ZNF518A: variants seen among roughly 807,000 people sequenced by gnomAD.
ZNF518A encodes the protein zinc finger protein 518.
Under a neutral mutation model 102.7 loss-of-function variants are expected in ZNF518A, and 47 were observed. The observed-to-expected ratio is 0.46, with a 90% CI of 0.36 to 0.58. The LOEUF (loss-of-function observed/expected upper bound fraction) is 0.58. Among genes scored for constraint, ZNF518A ranks in the 20% least tolerant of loss-of-function variants. ZNF518A has a pLI of 0.00. For synonymous variants in ZNF518A, 652 were observed against 594.6 expected, an observed-to-expected ratio of 1.10 and a Z score of -1.40; for missense variants, 1,793 against 1,699.8, an observed-to-expected ratio of 1.05 and a Z score of -0.96.
At position 96,160,814 on chromosome 10, in the gene ZNF518A, T is replaced by C; in HGVS notation, c.*40T>C. The stretch of plus-strand genomic sequence containing the variant: ...CAAGGAAAAGAAAAGTAAAATTACC[T>C]TAGAAGAAAACAACGGGTTCAGTTA... On this transcript the variant is annotated 3_prime_UTR_variant, in exon 6 of 6. Coordinates refer to ENST00000316045, the MANE Select transcript of ZNF518A (RefSeq NM_001330736.2). 6.8e-7 allele frequency: 1 copy of C among 1,477,724 alleles called. No individual in the cohort carries two copies. Among genetic ancestry groups the C allele is most frequent in the Non-Finnish European group, 9.0e-7 (1 of 1,116,956 alleles). 91.5% of individuals were successfully genotyped at this position (1,477,724 alleles called of 1,614,324 possible). A position where few individuals can be genotyped will look rare whatever the true frequency, so the allele number is the denominator to read the frequency against.
At chr10:96,192,177 A>C in intron 1 of ZNF518A, 1 of 1,550,812 alleles carries the variant, frequency 6.4e-7, no homozygotes, top group Admixed American at 1.7e-5. Context: ...CTCATTCTCA[A>C]GTTAGTAAAA....
At chr10:96,198,337 A>C (rs2083529313) in intron 1 of ZNF518A, among the ~76,000 whole-genome samples, 1 of 152,214 alleles carries the variant, frequency 6.6e-6, no homozygotes, top group Non-Finnish European at 1.5e-5. Context: ...AAATAAGGGA[A>C]CAGAACAACC....
At chr10:96,195,097 GCTGT>G (rs2133923010) in intron 1 of ZNF518A, among the ~76,000 whole-genome samples, 1 of 152,258 alleles carries the variant, frequency 6.6e-6, no homozygotes, top group African/African-American at 2.4e-5. Context: ...ACCACAATGA[GCTGT>G]CTATCACCTT....
intron 1 of ZNF518A, chr10:96,189,999 T>C (rs2083303839): frequency 1.2e-6 from 1 of 819,428 alleles, no homozygotes; most frequent in Non-Finnish European, 2.1e-6. Context: ...GGTGCCAGTG[T>C]TATTTAATTG....
chr10:96,203,953 AC>A (rs771572053), exon 3 of ZNF518A: 26 of 885,742 alleles, frequency 2.9e-5, no homozygotes, highest in Non-Finnish European at 4.8e-5. Context: ...TGCCAGGATA[AC>A]GCAGCTGGAA....
intron 1 of ZNF518A, among the ~76,000 whole-genome samples, chr10:96,175,328 A>C (rs1322939438): frequency 2.6e-5 from 4 of 152,236 alleles, no homozygotes; most frequent in Non-Finnish European, 4.4e-5. Context: ...GGGGCAATTC[A>C]TGCCTTACAT....
intron 3 of ZNF518A, among the ~76,000 whole-genome samples, chr10:96,146,181 A>G (rs1389943010): frequency 6.6e-6 from 1 of 152,144 alleles, no homozygotes; most frequent in Non-Finnish European, 1.5e-5. Flanking sequence ...AAATTGCATA[A>G]TATTCCCTTA....
chr10:96,132,757 A>G (rs901191891), intron 2 of ZNF518A, 87 bp downstream of exon 2: 9 of 152,092 alleles, frequency 5.9e-5, no homozygotes, highest in Non-Finnish European at 1.2e-4. Context: ...AAAGTAAAAT[A>G]TAGGTTAAGT....
At chr10:96,184,232 T>C (rs587745212) in intron 1 of ZNF518A, among the ~76,000 whole-genome samples, 4 of 152,358 alleles carry the variant, frequency 2.6e-5, no homozygotes, top group Admixed American at 1.3e-4. Context: ...TACAGCACAC[T>C]CATGGGTCTT....
chr10:96,130,278 C>T (rs907544115), upstream of ZNF518A, among the ~76,000 whole-genome samples: 1 of 152,216 alleles, frequency 6.6e-6, no homozygotes, highest in Non-Finnish European at 1.5e-5. Context: ...ATAGTCCCGG[C>T]CATTCAGCGC....
At position 96,161,739 on chromosome 10, in the gene ZNF518A, C is replaced by T. The variant is rs587717137; in HGVS notation, c.*965C>T. ...CCAAAACAGTATTTTGAAGCAAGATCATATTTTTGTCTGTATTCACTTTAT... is the reference window on the plus strand; with the variant it reads ...CCAAAACAGTATTTTGAAGCAAGATTATATTTTTGTCTGTATTCACTTTAT... On this transcript the variant is annotated 3_prime_UTR_variant, in exon 6 of 6. Transcript: ENST00000316045. The T allele has an allele frequency of 5.3e-4, 88 of 166,960 alleles. No homozygotes were observed. The highest frequency in any genetic ancestry group is 2.0e-3 in the African/African-American group (84 of 41,534). The allele number at this position is 166,960 out of a possible 1,614,324, so 10.3% of individuals were successfully genotyped here.
chr10:96,134,430 C>T (rs1039323253), intron 3 of ZNF518A, among the ~76,000 whole-genome samples: 87 of 152,188 alleles, frequency 5.7e-4, no homozygotes, highest in African/African-American at 2.0e-3. Context: ...GACGAGGCTT[C>T]GCCATGTTGG....
chr10:96,179,618 A>G (rs1237442598), intron 1 of ZNF518A, among the ~76,000 whole-genome samples: 4 of 152,206 alleles, frequency 2.6e-5, no homozygotes, highest in Non-Finnish European at 5.9e-5. Flanking sequence ...TTATACTCCT[A>G]GATATTTTTT....
chr10:96,158,762 G>T lies in ZNF518A; in HGVS notation c.2440G>T (p.Asp814Tyr). 1.2e-6 allele frequency: 2 copies of T among 1,613,334 alleles called. No individual in the cohort carries two copies. The highest frequency in any genetic ancestry group is 2.2e-5 in the South Asian group (2 of 90,962). Residue 814 changes from aspartate (D) to tyrosine (Y), a missense_variant, in exon 6 of 6, where the codon GAC (aspartate) becomes TAC (tyrosine). Transcript: ENST00000316045. ...AAATAAAGGCTTGCCACTTCATTGTGACCAGTCATTTCAAAAACACGAGAG... is the reference window on the plus strand; with the variant it reads ...AAATAAAGGCTTGCCACTTCATTGTTACCAGTCATTTCAAAAACACGAGAG... ...TPNKGLPLHCDQSFQKHEREG... is the reference protein window; with the variant it reads ...TPNKGLPLHCYQSFQKHEREG...
chr10:96,140,890 G>A (rs781980355), intron 3 of ZNF518A, among the ~76,000 whole-genome samples: 26 of 152,250 alleles, frequency 1.7e-4, no homozygotes, highest in Admixed American at 1.5e-3. Context: ...GTAATGAGCC[G>A]TAATTGTGCC....
rs1421318848 is a variant in ZNF518A at position 96,156,211 on chromosome 10, G to GA, written c.-107dup. 4 of 999,124 alleles carry GA rather than the reference G, an allele frequency of 4.0e-6. No homozygotes were observed. Among genetic ancestry groups the GA allele is most frequent in the Non-Finnish European group, 4.1e-6 (3 of 733,996 alleles). The allele number at this position is 999,124 out of a possible 1,614,324, so 61.9% of individuals were successfully genotyped here. A position where few individuals can be genotyped will look rare whatever the true frequency, so the allele number is the denominator to read the frequency against. ...TTTAATTTTAGGTGAGTTATTGTGG[G>GA]AAAAATCCTGTATATTGAAGATGTC... On this transcript the variant is annotated 5_prime_UTR_variant, in exon 6 of 6. Transcript: ENST00000316045.
chr10:96,191,832 C>A, intron 1 of ZNF518A: 1 of 1,123,334 alleles, frequency 8.9e-7, no homozygotes, highest in Non-Finnish European at 1.3e-6. Flanking sequence ...AAATGGATGA[C>A]CACTTCAATA....
At chr10:96,195,504 T>G (rs2083443408) in intron 1 of ZNF518A, among the ~76,000 whole-genome samples, 1 of 152,240 alleles carries the variant, frequency 6.6e-6, no homozygotes, top group South Asian at 2.1e-4. Context: ...TCCTAACACA[T>G]GCTACAACAT....
downstream of ZNF518A, among the ~76,000 whole-genome samples, chr10:96,166,007 A>T (rs1367091202): frequency 6.6e-6 from 1 of 152,178 alleles, no homozygotes; most frequent in African/African-American, 2.4e-5. Context: ...AGGCCTGAGA[A>T]CCAAGGGGCC....
Sources: gnomAD v4.1 joint callset for allele counts (sites outside exome capture counted in the v4.1 genomes callset) on GRCh38, gnomAD v4.1.1 for gene constraint, MANE v1.5 for transcripts, NCBI Gene and HGNC (gene_info 2026-07-23, HGNC 2026-07-21) for gene names.